SIAE: variants seen among roughly 807,000 people sequenced by gnomAD.
The protein encoded by SIAE is sialate O-acetylesterase.
SIAE carries 39 observed loss-of-function variants against 52.6 expected under a neutral mutation model. The observed-to-expected ratio is 0.74, with a 90% CI of 0.57 to 0.97. SIAE has a LOEUF of 0.97. Ranked by LOEUF, SIAE falls within the 50% of genes least tolerant of loss-of-function variation. The pLI is 0.00. For missense variants in SIAE, 592 were observed against 662.1 expected (o/e 0.89, Z 1.16); for synonymous variants, 233 against 241.4 (o/e 0.97, Z 0.32).
intron 1 of SIAE, among the ~76,000 whole-genome samples, chr11:124,671,063 A>G (rs2134395548): frequency 6.6e-6 from 1 of 152,334 alleles, no homozygotes; most frequent in Non-Finnish European, 1.5e-5. Flanking sequence ...GTGTGCAGTC[A>G]GTAGTCCATA....
In SIAE at chr11:124,673,688, T is replaced by G. The variant is rs1344158751; in HGVS notation, c.21A>C (p.Val7=). 1.9e-6 allele frequency: 3 copies of G among 1,613,328 alleles called. No individual in the cohort carries two copies. The highest frequency in any genetic ancestry group is 2.5e-6 in the Non-Finnish European group (3 of 1,179,744). The change falls in exon 1 of 10, where the codon GTA becomes GTC. Residue 7 remains valine, a synonymous_variant. Transcript: ENST00000263593. ...GGATTAATGGCAGCACCAGCCCGAG[T>G]ACAAGCCCCGGCGCGACCATGCTTG... The part of the protein sequence containing the change: MVAPGL[V]LGLVLPLILW...
At chr11:124,641,369 C>T (rs1391556191) in intron 7 of SIAE, among the ~76,000 whole-genome samples, 1 of 152,064 alleles carries the variant, frequency 6.6e-6, no homozygotes, top group African/African-American at 2.4e-5. Context: ...GGAGAATGGT[C>T]GTTCTGAGAG....
rs1339883415 is a variant in SIAE at position 124,633,324 on chromosome 11, T to G, written c.*3627A>C. On this transcript the variant is annotated 3_prime_UTR_variant, in exon 10 of 10. Coordinates refer to ENST00000263593, the MANE Select transcript of SIAE (RefSeq NM_170601.5). ...GGATTTTTGGACCCTGTTAATAGCATTAAGGTAGAGGTTTACTCTATCACC... is the reference window on the plus strand; with the variant it reads ...GGATTTTTGGACCCTGTTAATAGCAGTAAGGTAGAGGTTTACTCTATCACC... 1 of 152,186 alleles carries G rather than the reference T, an allele frequency of 6.6e-6. No homozygotes were observed. Among genetic ancestry groups the G allele is most frequent in the African/African-American group, 2.4e-5 (1 of 41,430 alleles). 9.4% of individuals were successfully genotyped at this position (152,186 alleles called of 1,614,324 possible).
chr11:124,643,459 A>G (rs185684494), intron 7 of SIAE, among the ~76,000 whole-genome samples: 8 of 152,176 alleles, frequency 5.3e-5, no homozygotes, highest in African/African-American at 1.9e-4. Context: ...CAGGAAGAAG[A>G]CCAGTTAGGA....
intron 1 of SIAE, among the ~76,000 whole-genome samples, chr11:124,673,223 G>A (rs1445780360): frequency 6.6e-6 from 1 of 152,142 alleles, no homozygotes; most frequent in Admixed American, 6.5e-5. Flanking sequence ...CCCTCCCCAA[G>A]GGCACCACTG....
intron 7 of SIAE, among the ~76,000 whole-genome samples, chr11:124,646,501 G>T (rs560393954): frequency 6.6e-6 from 1 of 151,818 alleles, no homozygotes; most frequent in Non-Finnish European, 1.5e-5. Flanking sequence ...AGTATGGAAG[G>T]CAAGGAGCAA....
At position 124,637,048 on chromosome 11, in the gene SIAE, CACTGCTTATATT is replaced by C. The variant is rs768783282; in HGVS notation, c.1463_1474del (p.Glu488_Cys492delinsGly). 4 of 1,614,018 alleles carry C rather than the reference CACTGCTTATATT, an allele frequency of 2.5e-6. No individual in the cohort carries two copies. The highest frequency in any genetic ancestry group is 3.4e-6 in the Non-Finnish European group (4 of 1,180,028). ...GGCACTACTGGGGTGGTATAGGGGA[CACTGCTTATATT>C]CACAAGGCCACGTGGTCCAAGCATA... On this transcript the variant is annotated inframe_deletion, in exon 10 of 10. Transcript: ENST00000263593.
At chr11:124,641,755 T>C (rs1462282830) in intron 7 of SIAE, among the ~76,000 whole-genome samples, 1 of 151,904 alleles carries the variant, frequency 6.6e-6, no homozygotes, top group Non-Finnish European at 1.5e-5. Flanking sequence ...GGTCAGGAGT[T>C]CAAGACCAGC....
chr11:124,642,448 A>G (rs1367149854), intron 7 of SIAE, among the ~76,000 whole-genome samples: 1 of 152,236 alleles, frequency 6.6e-6, no homozygotes, highest in Non-Finnish European at 1.5e-5. Context: ...AGAATGAATA[A>G]CAAGATAGAT....
chr11:124,654,115 T>G, intron 4 of SIAE: 1 of 588,418 alleles, frequency 1.7e-6, no homozygotes, highest in Non-Finnish European at 2.1e-6. Flanking sequence ...AGGCGGAGGT[T>G]GCAGGTGAGC....
chr11:124,639,325 C>G (rs557372790), intron 8 of SIAE, among the ~76,000 whole-genome samples: 11 of 152,150 alleles, frequency 7.2e-5, no homozygotes, highest in Non-Finnish European at 1.0e-4. Flanking sequence ...TGAAGTTAAC[C>G]GTAGCCTTAT....
rs1942685451 is a variant in SIAE, at chr11:124,634,749, A to G, written c.*2202T>C. 1 of 152,244 alleles carries G rather than the reference A, an allele frequency of 6.6e-6. No individual in the cohort carries two copies. The highest frequency in any genetic ancestry group is 2.1e-4 in the South Asian group (1 of 4,838). The allele number at this position is 152,244 out of a possible 1,614,324, so 9.4% of individuals were successfully genotyped here. On this transcript the variant is annotated 3_prime_UTR_variant, in exon 10 of 10. Transcript: ENST00000263593. ...CTATATTCTATTATTTACATAAGAA[A>G]ATTATTTTGGTAAAGTAAGTAAGTC...
intron 4 of SIAE, among the ~76,000 whole-genome samples, chr11:124,652,505 G>A (rs1250473052): frequency 6.6e-6 from 1 of 152,010 alleles, no homozygotes; most frequent in East Asian, 1.9e-4. Flanking sequence ...GACCAGCCTG[G>A]CCAACATAGT....
At chr11:124,658,240 G>GCACA (rs10643725) in intron 3 of SIAE, among the ~76,000 whole-genome samples, 4,966 of 145,244 alleles carry the variant, frequency 0.034, 225 homozygotes, top group African/African-American at 0.11. Flanking sequence ...GTGTGTCTGT[G>GCACA]CACACACACA....
chr11:124,640,561 A>G (rs1443951961), intron 7 of SIAE, among the ~76,000 whole-genome samples: 3 of 152,206 alleles, frequency 2.0e-5, no homozygotes, highest in East Asian at 3.9e-4. Flanking sequence ...ATACATCTGT[A>G]TACAACACAG....
rs766294261 is a variant in SIAE, at chr11:124,655,174, CT to C, written c.406-382del. On this transcript the variant is annotated intron_variant, in intron 3 of 9. Transcript: ENST00000263593. ...ACAAAACCAGACCAATTAACTTCTT[CT>C]TTTTTTTTTTTTTTTGTGTGTGAGA... 3.5e-3 allele frequency among the ~76,000 whole-genome samples: 475 copies of C among 134,908 alleles called. 1 individual carries two copies. The highest frequency in any genetic ancestry group is 4.4e-3 in the African/African-American group (145 of 32,906). 88.5% of individuals were successfully genotyped at this position (134,908 alleles called of 152,430 possible). A position where few individuals can be genotyped will look rare whatever the true frequency, so the allele number is the denominator to read the frequency against.
chr11:124,665,608 G>A (rs1420133155), intron 2 of SIAE, among the ~76,000 whole-genome samples: 1 of 152,160 alleles, frequency 6.6e-6, no homozygotes, highest in Non-Finnish European at 1.5e-5. Flanking sequence ...GTAAAAGCGT[G>A]TTGTTTTAAG....
chr11:124,637,244 G>T (rs910537807), intron 9 of SIAE, 42 bp from the exon 10 acceptor site: 1 of 1,613,298 alleles, frequency 6.2e-7, no homozygotes, highest in African/African-American at 1.3e-5. Context: ...AGGTCAGAAG[G>T]GTCTTCCAAG....
At chr11:124,667,029 T>C (rs1182135427) in intron 2 of SIAE, among the ~76,000 whole-genome samples, 1 of 152,224 alleles carries the variant, frequency 6.6e-6, no homozygotes, top group Non-Finnish European at 1.5e-5. Context: ...TAAACTGAAA[T>C]GCTATGTAAT....
Sources: gnomAD v4.1 joint callset for allele counts (sites outside exome capture counted in the v4.1 genomes callset) on GRCh38, gnomAD v4.1.1 for gene constraint, MANE v1.5 for transcripts, NCBI Gene and HGNC (gene_info 2026-07-23, HGNC 2026-07-21) for gene names.